Variants in CLEC12A observed in about 807,000 individuals in gnomAD.
CLEC12A encodes the protein C-type lectin domain family 12 member A.
Under a neutral mutation model 26.5 loss-of-function variants are expected in CLEC12A, and 22 were observed. That is an observed-to-expected ratio of 0.83 (90% CI 0.59 to 1.19). CLEC12A has a LOEUF of 1.19. Ranked by LOEUF, CLEC12A falls within the 50% of genes most tolerant of loss-of-function variation. The pLI is 0.00. For synonymous variants in CLEC12A, 119 were observed against 101.9 expected (o/e 1.17, Z -1.01); for missense variants, 353 against 315.6 (o/e 1.12, Z -0.90).
chr12:9,972,141 C>T (rs1311781100), intron 1 of CLEC12A, among the ~76,000 whole-genome samples: 1 of 151,558 alleles, frequency 6.6e-6, no homozygotes, highest in Non-Finnish European at 1.5e-5. Flanking sequence ...CCAAACTAAG[C>T]ATAAATCACC....
chr12:9,986,050 G>A, downstream of CLEC12A: 1 of 432,552 alleles, frequency 2.3e-6, no homozygotes, highest in South Asian at 1.6e-5. Flanking sequence ...GGCTTGTATA[G>A]TTTGTGCAGC....
chr12:10,002,580 C>G, the CLEC12A span, among the ~76,000 whole-genome samples: 1 of 150,790 alleles, frequency 6.6e-6, no homozygotes, highest in African/African-American at 2.4e-5. Context: ...GTAGTTGGGA[C>G]TACAGGCGCC....
At chr12:10,002,688 C>G in the CLEC12A span, among the ~76,000 whole-genome samples, 690 of 152,172 alleles carry the variant, frequency 4.5e-3, 9 homozygotes, top group African/African-American at 0.016. Flanking sequence ...GTGATCCGCC[C>G]GCCTCGGCCT....
chr12:10,002,297 T>G, the CLEC12A span, among the ~76,000 whole-genome samples: 1 of 152,218 alleles, frequency 6.6e-6, no homozygotes, highest in African/African-American at 2.4e-5. Context: ...AAAGGAAATA[T>G]TTAATGAATG....
intron 4 of CLEC12A, chr12:9,995,002 G>C: frequency 1.9e-6 from 3 of 1,561,656 alleles, no homozygotes; most frequent in Non-Finnish European, 2.6e-6. Flanking sequence ...GACCAGCGCT[G>C]TCTTGTTTGA....
At chr12:9,997,461 AG>A (rs1449747850), downstream of CLEC12A, among the ~76,000 whole-genome samples, 1 of 152,172 alleles carries the variant, frequency 6.6e-6, no homozygotes, top group Non-Finnish European at 1.5e-5. Flanking sequence ...AGAAATACAC[AG>A]AACTGACGCC....
chr12:10,000,605 A>G (rs760378672), downstream of CLEC12A, among the ~76,000 whole-genome samples: 2 of 152,230 alleles, frequency 1.3e-5, no homozygotes, highest in Non-Finnish European at 2.9e-5. Flanking sequence ...TTCTTATCTC[A>G]GTTAAAATAT....
chr12:9,982,874 G>T (rs1316336763), intron 5 of CLEC12A, among the ~76,000 whole-genome samples: 1 of 152,010 alleles, frequency 6.6e-6, no homozygotes, highest in Non-Finnish European at 1.5e-5. Context: ...TCCCACTTAA[G>T]TGAGAATATG....
In CLEC12A at chr12:9,993,274, C is replaced by T. The variant is rs1464708060; in HGVS notation, n.1005-1744C>T. On this transcript the variant is annotated intron_variant and non_coding_transcript_variant, in intron 4 of 4. Coordinates refer to the CLEC12A transcript ENST00000449959. Reference sequence around the variant, plus strand: ...CAATTCATATTTCCTTTTCCATCTTCCAAAAACTCAAACCTGTGAAGGGAA... The same window carrying T: ...CAATTCATATTTCCTTTTCCATCTTTCAAAAACTCAAACCTGTGAAGGGAA... 6.2e-7 allele frequency: 1 copy of T among 1,612,434 alleles called. No homozygotes were observed. The highest frequency in any genetic ancestry group is 1.7e-5 in the Admixed American group (1 of 59,902).
intron 1 of CLEC12A, 78 bp from the exon 2 acceptor site, chr12:9,978,880 AAAATGAAT>A: frequency 2.1e-6 from 2 of 964,796 alleles, no homozygotes; most frequent in South Asian, 2.7e-5. Context: ...AAATAAAGGT[AAAATGAAT>A]GAATGAATGA....
At chr12:9,953,523 C>G (rs866500685) in intron 1 of CLEC12A, among the ~76,000 whole-genome samples, 1 of 150,088 alleles carries the variant, frequency 6.7e-6, no homozygotes, top group African/African-American at 2.5e-5. Context: ...TCTGCCCGGC[C>G]GCCCCCTACT....
At chr12:9,987,158 T>C (rs1022644844), downstream of CLEC12A, among the ~76,000 whole-genome samples, 48 of 152,194 alleles carry the variant, frequency 3.2e-4, no homozygotes, top group African/African-American at 1.1e-3. Context: ...GAAATGCCAT[T>C]TACAAGCCAA....
At chr12:9,976,955 C>T (rs1038113062) in intron 1 of CLEC12A, among the ~76,000 whole-genome samples, 8 of 152,120 alleles carry the variant, frequency 5.3e-5, no homozygotes, top group African/African-American at 1.9e-4. Flanking sequence ...GTGCCTTTCA[C>T]CTTCCACCAT....
At chr12:9,958,352 G>C (rs1863776094) in intron 1 of CLEC12A, among the ~76,000 whole-genome samples, 1 of 152,164 alleles carries the variant, frequency 6.6e-6, no homozygotes, top group African/African-American at 2.4e-5. Flanking sequence ...CAGCCTACTT[G>C]GTGGACTGGA....
At chr12:9,973,668 A>T (rs1029148336) in intron 1 of CLEC12A, among the ~76,000 whole-genome samples, 1 of 152,050 alleles carries the variant, frequency 6.6e-6, no homozygotes, top group Non-Finnish European at 1.5e-5. Context: ...TTAAATGTCT[A>T]TCCTACCATG....
At chr12:9,983,753 T>C in intron 5 of CLEC12A, 1 of 464,740 alleles carries the variant, frequency 2.2e-6, no homozygotes, top group Non-Finnish European at 3.8e-6. Context: ...TTGTTTGCTT[T>C]TTCTTTCACA....
At chr12:9,989,650 A>T (rs771467767), downstream of CLEC12A, among the ~76,000 whole-genome samples, 1 of 152,260 alleles carries the variant, frequency 6.6e-6, no homozygotes, top group African/African-American at 2.4e-5. Flanking sequence ...TAAAAATGAA[A>T]GATGAAGCAG....
the CLEC12A span, among the ~76,000 whole-genome samples, chr12:10,002,339 T>C: frequency 3.3e-5 from 5 of 152,208 alleles, no homozygotes; most frequent in African/African-American, 1.2e-4. Flanking sequence ...AAATTGGTGC[T>C]GAGTATTCAT....
intron 1 of CLEC12A, among the ~76,000 whole-genome samples, chr12:9,959,358 A>G (rs1267400992): frequency 6.6e-6 from 1 of 151,848 alleles, no homozygotes; most frequent in Non-Finnish European, 1.5e-5. Flanking sequence ...AGGCTGAGGC[A>G]GGAGAATCTC....
Sources: allele counts gnomAD v4.1 joint callset (sites outside exome capture counted in the v4.1 genomes callset), GRCh38; gene constraint gnomAD v4.1.1; transcripts MANE v1.5; gene names NCBI Gene and HGNC (gene_info 2026-07-23, HGNC 2026-07-21).